SLC25A48: variants seen among roughly 807,000 people sequenced by gnomAD.
SLC25A48 encodes solute carrier family 25 member 48.
In SLC25A48, 29 loss-of-function variants were observed where a neutral mutation model predicts 32.2. The observed-to-expected ratio is 0.90, with a 90% CI of 0.67 to 1.23. The LOEUF is 1.23. SLC25A48 is among the 50% of genes most tolerant of loss of function. The probability of loss-of-function intolerance (pLI) is 0.00; values close to 1 mark genes in which losing one functional copy is unlikely to be tolerated. For missense variants in SLC25A48, 399 were observed against 422.7 expected, an observed-to-expected ratio of 0.94 and a Z score of 0.49; for synonymous variants, 164 against 172.3, an observed-to-expected ratio of 0.95 and a Z score of 0.38.
intron 3 of SLC25A48, among the ~76,000 whole-genome samples, chr5:135,763,845 C>T (rs946240626): frequency 3.3e-5 from 5 of 151,926 alleles, no homozygotes; most frequent in South Asian, 2.1e-4. Flanking sequence ...AATTCAGCAT[C>T]CGTCTCAATT....
rs374133336 is a variant in SLC25A48 at position 135,620,681 on chromosome 5, C to T, written c.-848-8556C>T. On this transcript the variant is annotated intron_variant, in intron 1 of 10. Coordinates refer to the SLC25A48 transcript ENST00000646290. ...CCTGACTCTCACCTCAGCCCAGTGG[C>T]AGGACAGGACACAGTCTAGTGGGAG... 3.3e-5 allele frequency among the ~76,000 whole-genome samples: 5 copies of T among 152,186 alleles called. No homozygotes were observed. The East Asian group carries it at 9.7e-4, about 29-fold the overall frequency.
At chr5:135,800,821 G>A (rs779495494) in intron 3 of SLC25A48, among the ~76,000 whole-genome samples, 1 of 151,446 alleles carries the variant, frequency 6.6e-6, no homozygotes, top group Admixed American at 6.6e-5. Context: ...ACCCCATATC[G>A]CTGGGGAGTG....
intron 3 of SLC25A48, among the ~76,000 whole-genome samples, chr5:135,809,734 C>T (rs1170547781): frequency 3.9e-5 from 6 of 152,202 alleles, no homozygotes; most frequent in African/African-American, 1.4e-4. Flanking sequence ...GACCAATACA[C>T]AATATCATCT....
intron 3 of SLC25A48, among the ~76,000 whole-genome samples, chr5:135,659,634 C>G (rs1184513688): frequency 6.6e-6 from 1 of 152,154 alleles, no homozygotes; most frequent in Non-Finnish European, 1.5e-5. Flanking sequence ...TCTCACACTG[C>G]TGTAAATAAC....
At chr5:135,813,668 G>T (rs1309026814) in intron 4 of SLC25A48, among the ~76,000 whole-genome samples, 2 of 152,204 alleles carry the variant, frequency 1.3e-5, no homozygotes, top group Non-Finnish European at 2.9e-5. Context: ...ATCTGAATTG[G>T]AGAAGAGAGT....
intron 7 of SLC25A48, among the ~76,000 whole-genome samples, chr5:135,886,255 G>A (rs986309056): frequency 1.1e-4 from 16 of 151,790 alleles, no homozygotes; most frequent in African/African-American, 3.9e-4. Flanking sequence ...GCTCTTCCTC[G>A]CTGCCCAGCC....
chr5:135,583,136 C>T (rs1239974378), intron 1 of SLC25A48, among the ~76,000 whole-genome samples: 3 of 151,798 alleles, frequency 2.0e-5, no homozygotes, highest in Non-Finnish European at 2.9e-5. Flanking sequence ...ACTGCTGAAT[C>T]CAGGCTGCAC....
At chr5:135,858,414 C>T (rs762065841) in intron 4 of SLC25A48, among the ~76,000 whole-genome samples, 3 of 152,212 alleles carry the variant, frequency 2.0e-5, no homozygotes, top group Admixed American at 6.5e-5. Flanking sequence ...GCCGTGCCCC[C>T]ACAAGTTTCT....
chr5:135,584,407 G>T (rs1043185965), intron 1 of SLC25A48, among the ~76,000 whole-genome samples: 4 of 152,256 alleles, frequency 2.6e-5, no homozygotes, highest in African/African-American at 9.6e-5. Context: ...CTTTGGCAAT[G>T]AAGGAAAAGC....
chr5:135,723,342 T>C (rs1328192740), intron 3 of SLC25A48, among the ~76,000 whole-genome samples: 1 of 149,854 alleles, frequency 6.7e-6, no homozygotes, highest in Non-Finnish European at 1.5e-5. Context: ...TGGTATCCAG[T>C]GGAAGGGAGT....
intron 1 of SLC25A48, among the ~76,000 whole-genome samples, chr5:135,597,071 G>A (rs1437726135): frequency 6.6e-6 from 1 of 152,150 alleles, no homozygotes; most frequent in African/African-American, 2.4e-5. Flanking sequence ...TATCAGACAG[G>A]GCTCTTAACC....
At chr5:135,767,665 G>A (rs1208550422) in intron 3 of SLC25A48, among the ~76,000 whole-genome samples, 1 of 151,718 alleles carries the variant, frequency 6.6e-6, no homozygotes, top group African/African-American at 2.4e-5. Flanking sequence ...GGGGGAAAAA[G>A]GATGATATTA....
At chr5:135,809,420 G>A (rs1388476996) in intron 3 of SLC25A48, among the ~76,000 whole-genome samples, 1 of 152,142 alleles carries the variant, frequency 6.6e-6, no homozygotes, top group African/African-American at 2.4e-5. Flanking sequence ...GGAATTTAAT[G>A]GTGAGGAAAA....
intron 1 of SLC25A48, among the ~76,000 whole-genome samples, chr5:135,581,805 G>T (rs1488246043): frequency 6.6e-6 from 1 of 152,232 alleles, no homozygotes; most frequent in Non-Finnish European, 1.5e-5. Context: ...TTCTTCTGGA[G>T]CCATGGTACA....
intron 3 of SLC25A48, among the ~76,000 whole-genome samples, chr5:135,677,165 G>A (rs1440329611): frequency 6.6e-6 from 1 of 151,858 alleles, no homozygotes; most frequent in African/African-American, 2.4e-5. Context: ...ATTTAGGATT[G>A]TCATATTCTC....
At chr5:135,689,034 A>G (rs12513738) in intron 3 of SLC25A48, among the ~76,000 whole-genome samples, 24 of 152,180 alleles carry the variant, frequency 1.6e-4, no homozygotes, top group Admixed American at 1.1e-3. Context: ...ACTTAGATAG[A>G]TTAATTAATA....
At chr5:135,844,693 T>G (rs1185736412) in intron 2 of SLC25A48, among the ~76,000 whole-genome samples, 1 of 152,194 alleles carries the variant, frequency 6.6e-6, no homozygotes, top group Non-Finnish European at 1.5e-5. Flanking sequence ...ATATATTAAG[T>G]TTTGCTCAGT....
intron 3 of SLC25A48, among the ~76,000 whole-genome samples, chr5:135,734,305 C>T (rs1350265288): frequency 2.6e-5 from 4 of 151,898 alleles, no homozygotes; most frequent in Admixed American, 1.3e-4. Context: ...TAGGAATAGT[C>T]AGGGAAGCAG....
chr5:135,675,046 A>G (rs537742062), intron 3 of SLC25A48, among the ~76,000 whole-genome samples: 2 of 151,906 alleles, frequency 1.3e-5, no homozygotes, highest in South Asian at 2.1e-4. Context: ...AATAATAGCT[A>G]TTCTAACTGG....
Sources: gnomAD v4.1 joint callset for allele counts (sites outside exome capture counted in the v4.1 genomes callset) on GRCh38, gnomAD v4.1.1 for gene constraint, MANE v1.5 for transcripts, NCBI Gene and HGNC (gene_info 2026-07-23, HGNC 2026-07-21) for gene names.